The following TJP1 variants were observed in gnomAD, a reference collection of about 807,000 sequenced individuals.
The protein encoded by TJP1 is tight junction protein ZO-1.
In TJP1, 43 loss-of-function variants were observed where a neutral mutation model predicts 194.2. The ratio of observed to expected loss-of-function variants is 0.22; its 90% CI spans 0.17 to 0.29. The LOEUF (loss-of-function observed/expected upper bound fraction) is 0.29. Among genes scored for constraint, TJP1 ranks in the 10% least tolerant of loss-of-function variants. TJP1 has a pLI of 1.00. For missense variants in TJP1, 1,971 were observed against 2,185.7 expected (o/e 0.90, Z 1.96); for synonymous variants, 801 against 779.0 (o/e 1.03, Z -0.47).
intron 2 of TJP1, among the ~76,000 whole-genome samples, chr15:29,855,746 C>T (rs1039559560): frequency 2.0e-5 from 3 of 151,942 alleles, no homozygotes; most frequent in African/African-American, 7.3e-5. Flanking sequence ...ATCCCAGTTA[C>T]TCAGGAGGCT....
intron 2 of TJP1, among the ~76,000 whole-genome samples, chr15:29,955,208 C>T (rs182801565): frequency 4.5e-4 from 68 of 152,058 alleles, no homozygotes; most frequent in Admixed American, 3.9e-3. Flanking sequence ...AAACAATGGC[C>T]GATGGTACCT....
chr15:29,877,960 C>T (rs890521717), intron 2 of TJP1, among the ~76,000 whole-genome samples: 2 of 152,124 alleles, frequency 1.3e-5, no homozygotes, highest in Non-Finnish European at 2.9e-5. Flanking sequence ...AGCCACCCCG[C>T]CCGGCCGATT....
chr15:29,761,659 T>C lies in TJP1; in HGVS notation c.804A>G (p.Leu268=). The part of the protein sequence containing the change: ...MVVQRDERAT[L]LNVPDLSDSI... ...TGTCAGAAAGATCAGGGACATTCAA[T>C]AGCGTAGCCCGTTCATCTCTTTGAA... The change falls in exon 7 of 28, where the codon CTA becomes CTG. Residue 268 remains leucine, a synonymous_variant. Transcript: ENST00000614355. The C allele has an allele frequency of 4.3e-6, 7 of 1,610,426 alleles. No homozygotes were observed. Among genetic ancestry groups the C allele is most frequent in the Middle Eastern group, 1.7e-4 (1 of 6,056 alleles).
chr15:29,923,661 G>C lies in TJP1; in HGVS notation c.306+32571C>G, dbSNP rs184462879. On this transcript the variant is annotated intron_variant, in intron 2 of 28. Transcript: ENST00000356107. The stretch of plus-strand genomic sequence containing the variant: ...TGCAGACTTGGGATGGAGGTAGTAG[G>C]GGGTGACAGCTGGTAATGAAAATAC... Among the ~76,000 whole-genome samples the C allele has an allele frequency of 2.1e-4, 32 of 152,268 alleles. 1 individual carries two copies. In the East Asian group the frequency reaches 3.3e-3, roughly 16 times the overall value.
At chr15:29,937,862 A>T (rs1027817865) in intron 2 of TJP1, among the ~76,000 whole-genome samples, 4 of 152,266 alleles carry the variant, frequency 2.6e-5, no homozygotes, top group African/African-American at 9.6e-5. Flanking sequence ...CTAGAAAAGA[A>T]GTTCAATTAT....
At chr15:29,739,956 G>T (rs1269616196) in intron 10 of TJP1, among the ~76,000 whole-genome samples, 3 of 151,734 alleles carry the variant, frequency 2.0e-5, no homozygotes, top group Admixed American at 2.0e-4. Context: ...ACCTAGCTGG[G>T]TCTAAATCTA....
intron 2 of TJP1, among the ~76,000 whole-genome samples, chr15:29,949,138 C>G (rs2055401845): frequency 6.7e-6 from 1 of 150,210 alleles, no homozygotes; most frequent in African/African-American, 2.4e-5. Context: ...CCTCCACCTC[C>G]ACCTTCACCA....
intron 2 of TJP1, among the ~76,000 whole-genome samples, chr15:29,900,166 C>A (rs2053593315): frequency 6.6e-6 from 1 of 152,034 alleles, no homozygotes; most frequent in Non-Finnish European, 1.5e-5. Flanking sequence ...TGTCCAGAAG[C>A]AAGGAGCCAC....
chr15:29,718,212 A>G, intron 21 of TJP1, 54 bp downstream of exon 21: 4 of 1,595,468 alleles, frequency 2.5e-6, no homozygotes, highest in Non-Finnish European at 3.4e-6. Flanking sequence ...GGGAGAGCCA[A>G]GAAGCCTTTT....
At chr15:29,795,331 G>A (rs1046183600) in intron 2 of TJP1, among the ~76,000 whole-genome samples, 3 of 151,108 alleles carry the variant, frequency 2.0e-5, no homozygotes, top group Non-Finnish European at 2.9e-5. Context: ...GCTGAGGCAG[G>A]AGAATCGCTT....
intron 2 of TJP1, among the ~76,000 whole-genome samples, chr15:29,850,170 G>A (rs11853442): frequency 0.42 from 64,072 of 151,984 alleles, 13,860 homozygotes; most frequent in East Asian, 0.49. Context: ...ACTCAAAAAC[G>A]TATGACACTT....
intron 2 of TJP1, among the ~76,000 whole-genome samples, chr15:29,950,057 TCCA>T (rs1158366520): frequency 1.6e-4 from 2 of 12,362 alleles, no homozygotes; most frequent in Non-Finnish European, 3.2e-4. Flanking sequence ...CACCACCACC[TCCA>T]CCACCACCAC....
chr15:29,822,505 C>T, upstream of TJP1: 1 of 984,666 alleles, frequency 1.0e-6, no homozygotes, highest in Non-Finnish European at 1.2e-6. Context: ...GCATGCCCGG[C>T]CCGGCGGGGG....
chr15:29,789,921 T>C (rs2047960050), intron 2 of TJP1, among the ~76,000 whole-genome samples: 1 of 152,204 alleles, frequency 6.6e-6, no homozygotes, highest in Non-Finnish European at 1.5e-5. Flanking sequence ...CATTTCAAAC[T>C]GAAGCCTATT....
At chr15:29,782,991 C>A (rs532452498) in intron 2 of TJP1, among the ~76,000 whole-genome samples, 4 of 151,320 alleles carry the variant, frequency 2.6e-5, no homozygotes, top group Admixed American at 6.6e-5. Flanking sequence ...CCACAATGAG[C>A]GGCCGGGCGT....
intron 2 of TJP1, among the ~76,000 whole-genome samples, chr15:29,785,723 T>A (rs2047659312): frequency 6.6e-6 from 1 of 152,186 alleles, no homozygotes; most frequent in Non-Finnish European, 1.5e-5. Flanking sequence ...TTCTTCCTAT[T>A]AACCTTTCAA....
intron 23 of TJP1, among the ~76,000 whole-genome samples, chr15:29,716,039 G>A (rs959104972): frequency 6.6e-6 from 1 of 152,132 alleles, no homozygotes. Flanking sequence ...GCACAAGAAA[G>A]GAGAACAAAC....
intron 8 of TJP1, among the ~76,000 whole-genome samples, chr15:29,756,621 C>T (rs1276773680): frequency 6.6e-6 from 1 of 152,186 alleles, no homozygotes; most frequent in African/African-American, 2.4e-5. Flanking sequence ...TCTCAGAATT[C>T]TCTCCATATG....
chr15:29,735,254 A>G (rs2043950952), intron 11 of TJP1, among the ~76,000 whole-genome samples: 1 of 151,926 alleles, frequency 6.6e-6, no homozygotes, highest in Admixed American at 6.5e-5. Context: ...CCTGACACGC[A>G]CCACTTACTT....
Sources: gnomAD v4.1 joint callset for allele counts (sites outside exome capture counted in the v4.1 genomes callset) on GRCh38, gnomAD v4.1.1 for gene constraint, MANE v1.5 for transcripts, NCBI Gene and HGNC (gene_info 2026-07-23, HGNC 2026-07-21) for gene names.